KLHL32: variants seen among roughly 807,000 people sequenced by gnomAD.
KLHL32 encodes kelch-like protein 32.
Under a neutral mutation model 64.8 loss-of-function variants are expected in KLHL32, and 35 were observed. That is an observed-to-expected ratio of 0.54 (90% CI 0.41 to 0.72). The LOEUF is 0.72. KLHL32 is among the 30% of genes least tolerant of loss of function. KLHL32 has a pLI of 0.00. For missense variants in KLHL32, 589 were observed against 768.5 expected (o/e 0.77, Z 2.76); for synonymous variants, 259 against 281.0 (o/e 0.92, Z 0.78).
intron 3 of KLHL32, chr6:96,994,364 A>G: frequency 8.0e-6 from 3 of 377,024 alleles, no homozygotes; most frequent in Non-Finnish European, 1.1e-5. Context: ...TTATAGTTCC[A>G]TTTATATTTC....
At chr6:96,930,669 C>T (rs1769757229) in intron 1 of KLHL32, among the ~76,000 whole-genome samples, 1 of 151,986 alleles carries the variant, frequency 6.6e-6, no homozygotes, top group African/African-American at 2.4e-5. Flanking sequence ...AGCAGAGCTA[C>T]CCTCATTATG....
intron 4 of KLHL32, among the ~76,000 whole-genome samples, chr6:97,052,559 C>T (rs536450891): frequency 4.6e-5 from 7 of 152,266 alleles, no homozygotes; most frequent in African/African-American, 1.7e-4. Flanking sequence ...CAGGGCATTC[C>T]GGCGTGCAGG....
intron 4 of KLHL32, among the ~76,000 whole-genome samples, chr6:97,061,136 A>T (rs1394880346): frequency 6.6e-6 from 1 of 152,168 alleles, no homozygotes; most frequent in African/African-American, 2.4e-5. Flanking sequence ...CGGGGAAAGA[A>T]TCCTCTATAC....
In KLHL32 at chr6:97,139,078, A is replaced by G. The variant is rs1247772209; in HGVS notation, c.1702-43A>G. 6 of 1,562,408 alleles carry G rather than the reference A, an allele frequency of 3.8e-6. No homozygotes were observed. In the South Asian group the frequency reaches 6.0e-5, roughly 16 times the overall value. Reference sequence around the variant, plus strand: ...ATGTATACATAGCTTTATTTTGAGCAGTCATCTTTGATACACAAGCTTCTT... The same window carrying G: ...ATGTATACATAGCTTTATTTTGAGCGGTCATCTTTGATACACAAGCTTCTT... On this transcript the variant is annotated intron_variant, in intron 10 of 10. Transcript: ENST00000369261.
intron 6 of KLHL32, among the ~76,000 whole-genome samples, chr6:97,101,567 G>A (rs1795729354): frequency 6.6e-6 from 1 of 152,184 alleles, no homozygotes; most frequent in South Asian, 2.1e-4. Context: ...TATATGCTGA[G>A]TATTGTACAA....
chr6:97,093,835 AG>A (rs1172329578), intron 6 of KLHL32, among the ~76,000 whole-genome samples: 2 of 152,202 alleles, frequency 1.3e-5, no homozygotes, highest in South Asian at 4.1e-4. Flanking sequence ...CCGATAAGGG[AG>A]GATCTCTTTA....
In KLHL32 at chr6:97,036,789, A is replaced by T. The variant is rs116490877; in HGVS notation, c.205-4703A>T. On this transcript the variant is annotated intron_variant, in intron 3 of 10. Coordinates refer to ENST00000369261, the MANE Select transcript of KLHL32 (RefSeq NM_052904.4). ...GAAGCCGTACCGGGTGCAGGGTGCC[A>T]GAGTGGCCCCCTCCAGCTCCAGGGG... Among the ~76,000 whole-genome samples the T allele has an allele frequency of 7.3e-3, 1,112 of 152,294 alleles. 16 individuals are homozygous for T. Among genetic ancestry groups the T allele is most frequent in the African/African-American group, 0.025 (1,037 of 41,566 alleles).
At chr6:96,992,832 G>T (rs1778037287) in intron 3 of KLHL32, among the ~76,000 whole-genome samples, 1 of 152,174 alleles carries the variant, frequency 6.6e-6, no homozygotes. Flanking sequence ...TAAATAATTT[G>T]CCCAGGGACT....
chr6:97,063,799 G>A (rs1789289971), intron 4 of KLHL32, among the ~76,000 whole-genome samples: 1 of 152,168 alleles, frequency 6.6e-6, no homozygotes, highest in Non-Finnish European at 1.5e-5. Context: ...GGAAGCACTG[G>A]GCTGGGGAAA....
At chr6:97,104,457 A>G (rs1028125017) in intron 6 of KLHL32, among the ~76,000 whole-genome samples, 1 of 152,252 alleles carries the variant, frequency 6.6e-6, no homozygotes, top group African/African-American at 2.4e-5. Context: ...ACATTTACCA[A>G]TCTTTCAATT....
the KLHL32 span, among the ~76,000 whole-genome samples, chr6:96,900,600 C>T: frequency 6.6e-6 from 1 of 152,154 alleles, no homozygotes; most frequent in African/African-American, 2.4e-5. Flanking sequence ...AGAAATAGTC[C>T]CCACTTTGTT....
upstream of KLHL32, among the ~76,000 whole-genome samples, chr6:96,923,513 C>T (rs1305722390): frequency 6.6e-6 from 1 of 152,134 alleles, no homozygotes; most frequent in Non-Finnish European, 1.5e-5. Flanking sequence ...GATATCAAAA[C>T]CATGAAAATG....
upstream of KLHL32, among the ~76,000 whole-genome samples, chr6:96,919,868 C>T (rs1395311131): frequency 3.3e-5 from 5 of 152,200 alleles, no homozygotes; most frequent in South Asian, 6.2e-4. Context: ...GGTGTTTTCT[C>T]GTACTTGGGC....
chr6:97,058,122 C>T (rs554309125), intron 4 of KLHL32, among the ~76,000 whole-genome samples: 2 of 152,070 alleles, frequency 1.3e-5, no homozygotes, highest in Non-Finnish European at 2.9e-5. Context: ...CTTCTTTTGC[C>T]AATGTCACAC....
intron 6 of KLHL32, among the ~76,000 whole-genome samples, chr6:97,104,372 G>A (rs1037198154): frequency 6.6e-6 from 1 of 152,134 alleles, no homozygotes; most frequent in Admixed American, 6.5e-5. Context: ...TTGGAACTCT[G>A]AAGTATGTAC....
the KLHL32 span, among the ~76,000 whole-genome samples, chr6:96,902,680 G>A: frequency 2.0e-5 from 3 of 152,102 alleles, no homozygotes; most frequent in African/African-American, 7.2e-5. Flanking sequence ...TGTCCTGAAT[G>A]GTATTGCCTA....
intron 3 of KLHL32, among the ~76,000 whole-genome samples, chr6:96,990,986 C>G (rs1207272598): frequency 1.3e-5 from 2 of 151,690 alleles, no homozygotes; most frequent in East Asian, 3.9e-4. Flanking sequence ...AATCACAGAC[C>G]CGTTACTAAT....
Position 97,139,206 on chromosome 6 carries a change from T to C in KLHL32, c.1787T>C (p.Phe596Ser). The C allele has an allele frequency of 6.2e-7, 1 of 1,613,854 alleles. No homozygotes were observed. Among genetic ancestry groups the C allele is most frequent in the Non-Finnish European group, 8.5e-7 (1 of 1,179,770 alleles). Residue 596 changes from phenylalanine to serine, a missense_variant, in exon 11 of 11, where the codon TTC becomes TCC. Phe to Ser is a radical substitution (Grantham distance 155, BLOSUM62 -2). Around this residue, in one of 3 missense-constraint regions of KLHL32, gnomAD observed 172 missense variants for 192.0 expected, o/e 0.90. Transcript: ENST00000369261. ...GCTTCCAATGGAATAGCAGCATGCT[T>C]CCTTCCAGCTCCATATTTTACATGC... ...PFASNGIAAC[F>S]LPAPYFTCPN...
At chr6:96,958,389 G>A (rs143122645) in intron 1 of KLHL32, among the ~76,000 whole-genome samples, 43 of 152,230 alleles carry the variant, frequency 2.8e-4, no homozygotes, top group Middle Eastern at 3.4e-3. Flanking sequence ...TCTGAAACCT[G>A]CAGGATGAAT....
Sources: allele counts gnomAD v4.1 joint callset (sites outside exome capture counted in the v4.1 genomes callset), GRCh38; gene constraint gnomAD v4.1.1; regional missense constraint gnomAD v4.1.1; transcripts MANE v1.5; gene names NCBI Gene and HGNC (gene_info 2026-07-23, HGNC 2026-07-21).